The following CDH13 variants were observed in gnomAD, a reference collection of about 807,000 sequenced individuals.
The protein encoded by CDH13 is cadherin-13.
In CDH13, 24 loss-of-function variants were observed where a neutral mutation model predicts 63.8. The ratio of observed to expected loss-of-function variants is 0.38; its 90% CI spans 0.27 to 0.53. CDH13 has a LOEUF of 0.53. CDH13 is among the 20% of genes least tolerant of loss of function. CDH13 has a pLI of 0.85. For missense variants in CDH13, 1,049 were observed against 903.1 expected (o/e 1.16, Z -2.07); for synonymous variants, 503 against 355.3 (o/e 1.42, Z -4.67).
At position 83,428,014 on chromosome 16, in the gene CDH13, A is replaced by C. The variant is rs113011092; in HGVS notation, c.782-58463A>C. 3.5e-3 allele frequency among the ~76,000 whole-genome samples: 536 copies of C among 152,330 alleles called. 7 individuals carry two copies. The highest frequency in any genetic ancestry group is 0.012 in the African/African-American group (518 of 41,572). Reference sequence around the variant, plus strand: ...ATCCTCTGGTCAGTTCCACTGGCTCAAATTAAAATTTTAGAGAATCGGTCT... The same window carrying C: ...ATCCTCTGGTCAGTTCCACTGGCTCCAATTAAAATTTTAGAGAATCGGTCT... On this transcript the variant is annotated intron_variant, in intron 6 of 13. Transcript: ENST00000567109.
chr16:83,018,904 C>T (rs1306629659), intron 2 of CDH13, among the ~76,000 whole-genome samples: 3 of 152,250 alleles, frequency 2.0e-5, no homozygotes, highest in Non-Finnish European at 4.4e-5. Flanking sequence ...ATTGGCACAC[C>T]TGTATAGGGC....
At chr16:83,646,303 G>A (rs1217764380) in intron 8 of CDH13, among the ~76,000 whole-genome samples, 3 of 152,136 alleles carry the variant, frequency 2.0e-5, no homozygotes, top group Non-Finnish European at 4.4e-5. Flanking sequence ...AGCGTACCCG[G>A]GTCATGACAT....
intron 4 of CDH13, among the ~76,000 whole-genome samples, chr16:83,140,167 T>A (rs760504530): frequency 2.7e-4 from 41 of 152,226 alleles, no homozygotes; most frequent in Non-Finnish European, 5.0e-4. Context: ...CACCTAACAG[T>A]TAACATTCCA....
chr16:83,460,744 A>T (rs1205086287), intron 6 of CDH13, among the ~76,000 whole-genome samples: 1 of 152,072 alleles, frequency 6.6e-6, no homozygotes, highest in African/African-American at 2.4e-5. Context: ...CTGTAAACCC[A>T]GCATTTTGGG....
chr16:83,391,616 C>T (rs1398018529), intron 6 of CDH13, among the ~76,000 whole-genome samples: 1 of 152,156 alleles, frequency 6.6e-6, no homozygotes, highest in African/African-American at 2.4e-5. Context: ...CGCAACCCCC[C>T]TGGAAAACAT....
At chr16:82,799,430 A>G (rs528786720) in intron 1 of CDH13, among the ~76,000 whole-genome samples, 91 of 152,210 alleles carry the variant, frequency 6.0e-4, no homozygotes, top group Non-Finnish European at 1.1e-3. Flanking sequence ...CCTAATTTCT[A>G]GACATACTCA....
Position 83,132,832 on chromosome 16 carries a change from G to A in CDH13, c.483+7331G>A, listed in dbSNP as rs542930944. 5.3e-5 allele frequency among the ~76,000 whole-genome samples: 8 copies of A among 152,260 alleles called. No homozygotes were observed. The East Asian group carries it at 5.8e-4, about 11-fold the overall frequency. ...TACAGAGTATCTAAGATGCCTAAAGGCTCAGTGCTCAAAAATTCTTCTTGA... is the reference window on the plus strand; with the variant it reads ...TACAGAGTATCTAAGATGCCTAAAGACTCAGTGCTCAAAAATTCTTCTTGA... On this transcript the variant is annotated intron_variant, in intron 4 of 13. Coordinates refer to ENST00000567109, the MANE Select transcript of CDH13 (RefSeq NM_001257.5).
chr16:83,421,230 G>A (rs146630624), intron 6 of CDH13, among the ~76,000 whole-genome samples: 1 of 152,112 alleles, frequency 6.6e-6, no homozygotes, highest in African/African-American at 2.4e-5. Flanking sequence ...GGATTAGTGA[G>A]GTGAAGAGAA....
At chr16:82,735,539 A>G (rs1052392762) in intron 1 of CDH13, among the ~76,000 whole-genome samples, 6 of 152,254 alleles carry the variant, frequency 3.9e-5, no homozygotes, top group African/African-American at 1.4e-4. Flanking sequence ...ATTGTATTCC[A>G]TAATTTGTTT....
intron 7 of CDH13, among the ~76,000 whole-genome samples, chr16:83,599,335 C>T (rs368808276): frequency 2.0e-5 from 3 of 152,180 alleles, no homozygotes; most frequent in South Asian, 2.1e-4. Flanking sequence ...AGGAGCTGTC[C>T]TTTAGAGACC....
chr16:83,083,857 C>A (rs889030599), intron 3 of CDH13, among the ~76,000 whole-genome samples: 1 of 152,148 alleles, frequency 6.6e-6, no homozygotes, highest in Non-Finnish European at 1.5e-5. Context: ...CACCCATTTG[C>A]CTATCCCAAG....
intron 7 of CDH13, among the ~76,000 whole-genome samples, chr16:83,519,076 G>T (rs2074768902): frequency 6.6e-6 from 1 of 152,152 alleles, no homozygotes; most frequent in Non-Finnish European, 1.5e-5. Context: ...ATTGTTCTTT[G>T]TCCGTAGCCT....
intron 6 of CDH13, among the ~76,000 whole-genome samples, chr16:83,478,836 GAAAAA>G (rs374669824): frequency 8.9e-6 from 1 of 112,316 alleles, no homozygotes; most frequent in Non-Finnish European, 1.8e-5. Flanking sequence ...TTGAAGATGA[GAAAAA>G]AAAAAAAAAA....
intron 1 of CDH13, among the ~76,000 whole-genome samples, chr16:82,844,104 A>G (rs1365610083): frequency 6.6e-6 from 1 of 152,208 alleles, no homozygotes; most frequent in Non-Finnish European, 1.5e-5. Context: ...GGTTACCTGT[A>G]TGACCCAGAT....
At chr16:82,735,017 T>G (rs891227179) in intron 1 of CDH13, among the ~76,000 whole-genome samples, 1 of 152,150 alleles carries the variant, frequency 6.6e-6, no homozygotes, top group African/African-American at 2.4e-5. Context: ...GAAATCTAAC[T>G]GAGAGATGAA....
chr16:83,151,326 T>G (rs763844665), intron 4 of CDH13, among the ~76,000 whole-genome samples: 1 of 152,202 alleles, frequency 6.6e-6, no homozygotes, highest in African/African-American at 2.4e-5. Flanking sequence ...ACCTCACACC[T>G]AATGAATTAA....
chr16:82,674,796 G>GT (rs1452646834), intron 1 of CDH13, among the ~76,000 whole-genome samples: 6 of 152,332 alleles, frequency 3.9e-5, no homozygotes, highest in African/African-American at 1.2e-4. Context: ...TATAATTATG[G>GT]TATGTGTTGG....
At chr16:83,706,407 A>G (rs1907060105) in intron 10 of CDH13, among the ~76,000 whole-genome samples, 1 of 152,206 alleles carries the variant, frequency 6.6e-6, no homozygotes, top group Non-Finnish European at 1.5e-5. Context: ...CCTGTGAACG[A>G]GAGGAGCGTC....
At chr16:83,369,245 C>A (rs950664552) in intron 6 of CDH13, among the ~76,000 whole-genome samples, 1 of 151,778 alleles carries the variant, frequency 6.6e-6, no homozygotes, top group African/African-American at 2.4e-5. Context: ...ACTTTTTACA[C>A]TGTTGGTGGG....
Sources: gnomAD v4.1 joint callset for allele counts (sites outside exome capture counted in the v4.1 genomes callset) on GRCh38, gnomAD v4.1.1 for gene constraint, MANE v1.5 for transcripts, NCBI Gene and HGNC (gene_info 2026-07-23, HGNC 2026-07-21) for gene names.